Variants in RBL2 observed in about 807,000 individuals in gnomAD.
RBL2 encodes retinoblastoma-like protein 2.
A neutral mutation model predicts 126.0 loss-of-function variants in RBL2; 56 were observed. The ratio of observed to expected loss-of-function variants is 0.44; its 90% confidence interval spans 0.36 to 0.56. The LOEUF is 0.56. RBL2 is among the 20% of genes least tolerant of loss of function. The pLI is 0.00. For synonymous variants in RBL2, 454 were observed against 478.5 expected (o/e 0.95, Z 0.67); for missense variants, 1,229 against 1,398.2 (o/e 0.88, Z 1.93).
chr16:53,445,160 C>G (rs1392164285), intron 3 of RBL2, among the ~76,000 whole-genome samples: 1 of 151,860 alleles, frequency 6.6e-6, no homozygotes, highest in East Asian at 1.9e-4. Context: ...AACTTCATCT[C>G]CACAAAAAAT....
intron 17 of RBL2, 176 bp from the exon 18 acceptor site, chr16:53,478,978 A>G: frequency 1.7e-6 from 1 of 591,664 alleles, no homozygotes; most frequent in Non-Finnish European, 3.0e-6. Flanking sequence ...ATTTTAATAG[A>G]TATTCTTGAA....
At chr16:53,459,427 C>A in intron 8 of RBL2, 24 bp from the exon 9 acceptor site, 3 of 1,574,292 alleles carry the variant, frequency 1.9e-6, no homozygotes, top group Non-Finnish European at 2.6e-6. Flanking sequence ...TTTATTAATT[C>A]TGTGTAATTT....
At chr16:53,436,928 A>G (rs776778428) in intron 1 of RBL2, among the ~76,000 whole-genome samples, 7 of 152,116 alleles carry the variant, frequency 4.6e-5, no homozygotes, top group Non-Finnish European at 8.8e-5. Context: ...CACAGAGTCT[A>G]CTCTTTGCAT....
At chr16:53,483,329 G>T (rs547171142) in intron 21 of RBL2, among the ~76,000 whole-genome samples, 5 of 152,266 alleles carry the variant, frequency 3.3e-5, no homozygotes, top group Admixed American at 1.3e-4. Context: ...GGCAGGCTGG[G>T]GTGGGAAGAT....
intron 14 of RBL2, among the ~76,000 whole-genome samples, chr16:53,468,694 A>G (rs1486374746): frequency 6.6e-6 from 1 of 152,222 alleles, no homozygotes; most frequent in African/African-American, 2.4e-5. Context: ...ATCTGGAAAT[A>G]GAAATGTTAA....
At chr16:53,435,482 G>T (rs2057949676) in intron 1 of RBL2, 5 of 912,306 alleles carry the variant, frequency 5.5e-6, no homozygotes, top group Non-Finnish European at 7.2e-6. Context: ...TGTTGTTGTT[G>T]CGATCCGGGT....
At chr16:53,439,341 T>G (rs532637009) in intron 2 of RBL2, among the ~76,000 whole-genome samples, 195 bp downstream of exon 2, 91 of 152,344 alleles carry the variant, frequency 6.0e-4, no homozygotes, top group Non-Finnish European at 9.7e-4. Context: ...TTTTACTTCT[T>G]TGGTGAAAAT....
intron 3 of RBL2, among the ~76,000 whole-genome samples, chr16:53,444,164 C>A: frequency 6.7e-6 from 1 of 148,852 alleles, no homozygotes; most frequent in African/African-American, 2.5e-5. Context: ...CAGTAGAATC[C>A]CTTGAACCGA....
At position 53,469,986 on chromosome 16, in the gene RBL2, A is replaced by G. The variant is rs775293445; in HGVS notation, c.2046A>G (p.Leu682=). 1.1e-5 allele frequency: 18 copies of G among 1,614,136 alleles called. No homozygotes were observed. The South Asian group carries it at 1.9e-4, about 17-fold the overall frequency. Residue 682 remains leucine (L), a synonymous_variant, in exon 15 of 22, where the codon CTA becomes CTG. Transcript: ENST00000262133. The part of the protein sequence containing the change: ...SPPASTTRRR[L]FVENDSPSDG... ...CAGCCAGCACTACCAGAAGGCGGCT[A>G]TTTGTTGAGAATGATAGCCCCTCTG...
intron 8 of RBL2, among the ~76,000 whole-genome samples, chr16:53,456,975 A>C (rs2058173295): frequency 1.3e-5 from 2 of 152,146 alleles, no homozygotes; most frequent in Non-Finnish European, 2.9e-5. Context: ...TTAGAATATA[A>C]GCTTCACCAA....
chr16:53,468,326 C>G (rs935892739), intron 14 of RBL2, among the ~76,000 whole-genome samples: 2 of 152,060 alleles, frequency 1.3e-5, no homozygotes, highest in African/African-American at 4.8e-5. Flanking sequence ...ATCACTTGAG[C>G]CCCGGAGTTC....
In RBL2 at chr16:53,462,798, T is replaced by G. The variant is rs908429325; in HGVS notation, c.1560+143T>G. 7 of 580,516 alleles carry G rather than the reference T, an allele frequency of 1.2e-5. No individual in the cohort carries two copies. In the African/African-American group the frequency reaches 1.2e-4, roughly 10 times the overall value. 36.0% of individuals were successfully genotyped at this position (580,516 alleles called of 1,614,324 possible). A position where few individuals can be genotyped will look rare whatever the true frequency, so the allele number is the denominator to read the frequency against. On this transcript the variant is annotated intron_variant, in intron 11 of 21. Transcript: ENST00000262133. ...TAATTTTGATGAAATCCAATATATT[T>G]TTTCACTAGTTGCCTGTGCTTTTGT...
rs1370721053 is a variant in RBL2 at position 53,479,291 on chromosome 16, A to G, written c.2775+66A>G. On this transcript the variant is annotated intron_variant, in intron 18 of 21. Coordinates refer to ENST00000262133, the MANE Select transcript of RBL2 (RefSeq NM_005611.4). ...AGTCTGTGATGAATACAAAAAATTA[A>G]CCATAGTTGACTCTGTGGCCTTTTT... The G allele has an allele frequency of 1.1e-5, 15 of 1,411,718 alleles. No homozygotes were observed. The East Asian group carries it at 3.4e-4, about 32-fold the overall frequency. 87.4% of individuals were successfully genotyped at this position (1,411,718 alleles called of 1,614,324 possible).
chr16:53,454,986 A>G, intron 8 of RBL2, 144 bp downstream of exon 8: 1 of 623,554 alleles, frequency 1.6e-6, no homozygotes, highest in Non-Finnish European at 2.5e-6. Flanking sequence ...TAATTGAAAA[A>G]GGTATCTCTA....
At position 53,480,584 on chromosome 16, in the gene RBL2, C is replaced by T. The variant is rs779137971; in HGVS notation, c.2899C>T (p.Pro967Ser). 5.6e-6 allele frequency: 9 copies of T among 1,613,724 alleles called. No individual in the cohort carries two copies. Among genetic ancestry groups the T allele is most frequent in the Non-Finnish European group, 7.6e-6 (9 of 1,179,828 alleles). The change falls in exon 20 of 22, where the codon CCA (proline) becomes TCA (serine). Residue 967 changes from proline (P) to serine (S), a missense_variant. Physicochemically the swap from Pro to Ser is moderately conservative, Grantham distance 74 (BLOSUM62 -1). Around this residue, in one of 2 missense-constraint regions of RBL2, gnomAD observed 1,070 missense variants for 1,274.3 expected, o/e 0.84. Transcript: ENST00000262133. ...NKDRTSRDSS[P>S]VMRSSSTLPV... ...GGCTGCAGCCAGTAGAGACTCCAGTCCAGTTATGAGGTCAAGCAGCACCTT... is the reference window on the plus strand; with the variant it reads ...GGCTGCAGCCAGTAGAGACTCCAGTTCAGTTATGAGGTCAAGCAGCACCTT...
chr16:53,460,274 T>G (rs1211775036), intron 9 of RBL2, among the ~76,000 whole-genome samples: 2 of 152,250 alleles, frequency 1.3e-5, no homozygotes, highest in Non-Finnish European at 1.5e-5. Flanking sequence ...CCTTATGATA[T>G]GATAACGTAG....
intron 19 of RBL2, chr16:53,480,295 G>T (rs995895199): frequency 1.9e-6 from 1 of 526,782 alleles, no homozygotes; most frequent in Admixed American, 3.6e-5. Flanking sequence ...CCTGCCTGTT[G>T]CTTTGTACCA....
At chr16:53,452,733 C>G (rs2058127202) in intron 5 of RBL2, among the ~76,000 whole-genome samples, 1 of 151,928 alleles carries the variant, frequency 6.6e-6, no homozygotes, top group South Asian at 2.1e-4. Context: ...GTGGTGCAAT[C>G]ACAATTCACT....
chr16:53,456,125 G>A (rs1405051285), intron 8 of RBL2, among the ~76,000 whole-genome samples: 6 of 152,074 alleles, frequency 3.9e-5, no homozygotes, highest in East Asian at 3.9e-4. Flanking sequence ...GCAGTGAGCC[G>A]TGATCGCGTC....
Sources: gnomAD v4.1 joint callset for allele counts (sites outside exome capture counted in the v4.1 genomes callset) on GRCh38, gnomAD v4.1.1 for gene constraint, gnomAD v4.1.1 regional missense constraint, MANE v1.5 for transcripts, NCBI Gene and HGNC (gene_info 2026-07-23, HGNC 2026-07-21) for gene names.